PRKN: variants seen among roughly 807,000 people sequenced by gnomAD.
PRKN encodes the protein E3 ubiquitin-protein ligase parkin.
PRKN carries 56 observed loss-of-function variants against 59.5 expected under a neutral mutation model. The ratio of observed to expected loss-of-function variants is 0.94; its 90% CI spans 0.76 to 1.18. The LOEUF is 1.18. Among genes scored for constraint, PRKN ranks in the 50% most tolerant of loss-of-function variants. The pLI is 0.00. For missense variants in PRKN, 657 were observed against 596.4 expected, an observed-to-expected ratio of 1.10 and a Z score of -1.06; for synonymous variants, 250 against 222.1, an observed-to-expected ratio of 1.13 and a Z score of -1.12.
intron 7 of PRKN, among the ~76,000 whole-genome samples, chr6:161,724,406 T>C (rs893315293): frequency 9.9e-5 from 15 of 152,226 alleles, no homozygotes; most frequent in African/African-American, 3.6e-4. Context: ...TTGAAAAATA[T>C]GGTAAGCGTT....
intron 9 of PRKN, among the ~76,000 whole-genome samples, chr6:161,532,177 T>C (rs1251002084): frequency 9.4e-6 from 1 of 106,800 alleles, no homozygotes; most frequent in Non-Finnish European, 2.1e-5. Flanking sequence ...TATATATATA[T>C]ATATATATAT....
chr6:162,162,256 C>T lies in PRKN; in HGVS notation c.534+38875G>A, dbSNP rs1158783748. Among the ~76,000 whole-genome samples, 5 of 152,204 alleles carry T rather than the reference C, an allele frequency of 3.3e-5. No individual in the cohort carries two copies. In the East Asian group the frequency reaches 9.7e-4, roughly 29 times the overall value. The stretch of plus-strand genomic sequence containing the variant: ...ATGCCACCATACCTGGCTAATTTCA[C>T]CGCACCTGACCTTACATAGCATTTA... On this transcript the variant is annotated intron_variant, in intron 4 of 11. Coordinates refer to ENST00000366898, the MANE Select transcript of PRKN (RefSeq NM_004562.3).
intron 3 of PRKN, among the ~76,000 whole-genome samples, chr6:162,231,184 A>C (rs1174556426): frequency 2.0e-5 from 3 of 152,180 alleles, no homozygotes; most frequent in East Asian, 3.9e-4. Context: ...CAAAGAAAAT[A>C]TTTCAGAGAG....
Position 161,402,802 on chromosome 6 carries a change from T to C in PRKN, c.1084-15925A>G, listed in dbSNP as rs370267528. On this transcript the variant is annotated intron_variant, in intron 9 of 11. Coordinates refer to ENST00000366898, the MANE Select transcript of PRKN (RefSeq NM_004562.3). This position sits in a 1 kb window ranked among gnomAD's most constrained non-coding sequence, Gnocchi z 4.5. ...AATTGTATGGTGAATAAAGGTTGTCTTATTATGTAGATAAACAATCTCTCA... is the reference window on the plus strand; with the variant it reads ...AATTGTATGGTGAATAAAGGTTGTCCTATTATGTAGATAAACAATCTCTCA... 1.4e-4 allele frequency among the ~76,000 whole-genome samples: 22 copies of C among 152,202 alleles called. No homozygotes were observed. The highest frequency in any genetic ancestry group is 5.3e-4 in the African/African-American group (22 of 41,536).
chr6:162,499,283 G>A (rs1158075417), intron 1 of PRKN, among the ~76,000 whole-genome samples: 1 of 152,056 alleles, frequency 6.6e-6, no homozygotes, highest in Non-Finnish European at 1.5e-5. Flanking sequence ...AGACTTACCT[G>A]AGGCAACTCT....
intron 1 of PRKN, among the ~76,000 whole-genome samples, chr6:162,621,671 T>C (rs2803040): frequency 0.29 from 44,078 of 152,096 alleles, 6,992 homozygotes; most frequent in Non-Finnish European, 0.36. Context: ...CATGAAACTT[T>C]ATTTTCTGCC....
chr6:162,481,697 C>T (rs73035870), intron 1 of PRKN, among the ~76,000 whole-genome samples: 13,089 of 152,104 alleles, frequency 0.086, 889 homozygotes, highest in East Asian at 0.33. Flanking sequence ...TTAGATCATA[C>T]CATTGATTAA....
chr6:162,561,890 T>C (rs1414465625), intron 1 of PRKN, among the ~76,000 whole-genome samples: 2 of 152,088 alleles, frequency 1.3e-5, no homozygotes, highest in Non-Finnish European at 2.9e-5. Context: ...AGGAAAGTCC[T>C]AGTGCTGAAC....
At position 161,582,513 on chromosome 6, in the gene PRKN, G is replaced by A. The variant is rs973438674; in HGVS notation, c.872-13097C>T. Reference sequence around the variant, plus strand: ...GCGATCTAGGCTCACTGCAAGCTCCGCCTCCCAGGTTCACGCCATTCTCCT... The same window carrying A: ...GCGATCTAGGCTCACTGCAAGCTCCACCTCCCAGGTTCACGCCATTCTCCT... On this transcript the variant is annotated intron_variant, in intron 7 of 11. Coordinates refer to ENST00000366898, the MANE Select transcript of PRKN (RefSeq NM_004562.3). The surrounding 1 kb of genome is among the most constrained non-coding windows in gnomAD (Gnocchi z 4.4). Among the ~76,000 whole-genome samples, 8 of 151,626 alleles carry A rather than the reference G, an allele frequency of 5.3e-5. No individual in the cohort carries two copies. In the South Asian group the frequency reaches 1.5e-3, roughly 28 times the overall value.
At chr6:162,533,234 A>G (rs1273504283) in intron 1 of PRKN, among the ~76,000 whole-genome samples, 3 of 152,196 alleles carry the variant, frequency 2.0e-5, no homozygotes, top group Non-Finnish European at 2.9e-5. Flanking sequence ...TAAAGTAAAT[A>G]CATTTATGGC....
intron 1 of PRKN, among the ~76,000 whole-genome samples, chr6:162,692,880 T>C (rs1777834085): frequency 6.6e-6 from 1 of 152,196 alleles, no homozygotes; most frequent in Non-Finnish European, 1.5e-5. Context: ...AGAGACAAAC[T>C]AGATTCTTCC....
intron 9 of PRKN, among the ~76,000 whole-genome samples, chr6:161,443,325 A>C (rs376084951): frequency 6.7e-6 from 1 of 149,942 alleles, no homozygotes; most frequent in Non-Finnish European, 1.5e-5. Flanking sequence ...AAAAAAAAAA[A>C]AATCAGGGAG....
intron 6 of PRKN, among the ~76,000 whole-genome samples, chr6:161,896,687 C>T (rs986984830): frequency 6.6e-6 from 1 of 152,128 alleles, no homozygotes; most frequent in African/African-American, 2.4e-5. Context: ...GACCAAGCTT[C>T]GTAAGTGTTT....
At chr6:161,610,756 C>T (rs1278165518) in intron 7 of PRKN, among the ~76,000 whole-genome samples, 5 of 152,048 alleles carry the variant, frequency 3.3e-5, no homozygotes, top group African/African-American at 1.2e-4. Flanking sequence ...GTGCACAGTG[C>T]CCAGGAAAGA....
At chr6:162,705,689 A>T (rs1778313950) in intron 1 of PRKN, among the ~76,000 whole-genome samples, 1 of 152,234 alleles carries the variant, frequency 6.6e-6, no homozygotes. Flanking sequence ...TCTGCAAGAC[A>T]GAAAGAATCA....
intron 5 of PRKN, among the ~76,000 whole-genome samples, chr6:162,024,373 T>G (rs1009330929): frequency 1.3e-5 from 2 of 152,060 alleles, no homozygotes; most frequent in African/African-American, 4.8e-5. Flanking sequence ...ATTTTTGTAT[T>G]TTTAGTAGAG....
chr6:162,468,242 A>G (rs557852370), intron 1 of PRKN, among the ~76,000 whole-genome samples: 1 of 152,364 alleles, frequency 6.6e-6, no homozygotes, highest in East Asian at 1.9e-4. Flanking sequence ...CCCTCGTCTC[A>G]CTAATTAGAA....
chr6:161,784,969 A>C (rs1790354987), intron 7 of PRKN, among the ~76,000 whole-genome samples: 1 of 152,308 alleles, frequency 6.6e-6, no homozygotes, highest in South Asian at 2.1e-4. Flanking sequence ...ACTTGAATAA[A>C]CCTCAAATAC....
At chr6:161,868,815 CT>C (rs1201136054) in intron 6 of PRKN, among the ~76,000 whole-genome samples, 1 of 152,144 alleles carries the variant, frequency 6.6e-6, no homozygotes, top group Non-Finnish European at 1.5e-5. Flanking sequence ...TGCACATGGC[CT>C]ACCTCTTGCT....
Sources: gnomAD v4.1 joint callset for allele counts (sites outside exome capture counted in the v4.1 genomes callset) on GRCh38, gnomAD v4.1.1 for gene constraint, Gnocchi (gnomAD v3.1) non-coding constraint, MANE v1.5 for transcripts, NCBI Gene and HGNC (gene_info 2026-07-23, HGNC 2026-07-21) for gene names.